MYO9B: variants seen among roughly 807,000 people sequenced by gnomAD.
The protein encoded by MYO9B is unconventional myosin-IXb.
MYO9B carries 71 observed loss-of-function variants against 229.5 expected under a neutral mutation model. The observed-to-expected ratio is 0.31, with a 90% CI of 0.26 to 0.38. MYO9B has a LOEUF of 0.38. Among genes scored for constraint, MYO9B ranks in the 10% least tolerant of loss-of-function variants. The pLI is 1.00. For missense variants in MYO9B, 2,255 were observed against 2,920.5 expected, an observed-to-expected ratio of 0.77 and a Z score of 5.25; for synonymous variants, 1,185 against 1,235.8, an observed-to-expected ratio of 0.96 and a Z score of 0.86.
intron 2 of MYO9B, among the ~76,000 whole-genome samples, chr19:17,143,446 A>G (rs1207179092): frequency 6.6e-6 from 1 of 152,176 alleles, no homozygotes; most frequent in African/African-American, 2.4e-5. Context: ...GCTGAGGCCT[A>G]TAGAAGCTCC....
intron 37 of MYO9B, 102 bp downstream of exon 37, chr19:17,210,482 C>A: frequency 7.2e-7 from 1 of 1,392,104 alleles, no homozygotes; most frequent in South Asian, 1.5e-5. Context: ...CAGAGCCTGT[C>A]CTAACCTTCC....
chr19:17,134,435 A>G (rs1236083428), intron 2 of MYO9B, among the ~76,000 whole-genome samples: 1 of 112,212 alleles, frequency 8.9e-6, no homozygotes, highest in Non-Finnish European at 1.6e-5. Context: ...TCTGTCACCC[A>G]GGCCAGAGTG....
At chr19:17,165,900 T>G (rs759152006) in intron 10 of MYO9B, among the ~76,000 whole-genome samples, 1 of 152,224 alleles carries the variant, frequency 6.6e-6, no homozygotes, top group Non-Finnish European at 1.5e-5. Context: ...AAAGCTTTAT[T>G]GGCACATAGC....
chr19:17,103,241 T>G (rs4808566), intron 2 of MYO9B: 21,770 of 151,972 alleles, frequency 0.14, 1,895 homozygotes, highest in Non-Finnish European at 0.2. Flanking sequence ...GTTTTCTGAT[T>G]GTTGTTATTA....
At chr19:17,126,535 G>T (rs2058021117) in intron 2 of MYO9B, among the ~76,000 whole-genome samples, 2 of 152,168 alleles carry the variant, frequency 1.3e-5, no homozygotes, top group Admixed American at 6.6e-5. Context: ...CTCTGCTATT[G>T]TAACTCAAAT....
At chr19:17,210,476 G>T in intron 37 of MYO9B, 96 bp downstream of exon 37, 1 of 1,417,284 alleles carries the variant, frequency 7.1e-7, no homozygotes. Context: ...GATAGACAGA[G>T]CCTGTCCTAA....
intron 2 of MYO9B, among the ~76,000 whole-genome samples, chr19:17,109,151 T>C (rs1244457003): frequency 6.6e-6 from 1 of 151,760 alleles, no homozygotes; most frequent in African/African-American, 2.4e-5. Context: ...CTGCAAGTTC[T>C]GCCTCCCGGG....
chr19:17,128,974 C>T (rs531618151), intron 2 of MYO9B, among the ~76,000 whole-genome samples: 5 of 152,198 alleles, frequency 3.3e-5, no homozygotes, highest in African/African-American at 1.2e-4. Context: ...TTGGCCATAC[C>T]GGTCACTCCT....
In MYO9B at chr19:17,167,917, T is replaced by A. The variant is rs748214464; in HGVS notation, c.1672-26T>A. ...ATTACATATCTGGGAGATAAGAAAC[T>A]TACCGACCCCGCGCCACCCCTGCAG... On this transcript the variant is annotated intron_variant, in intron 10 of 39. Coordinates refer to ENST00000682292, the MANE Select transcript of MYO9B (RefSeq NM_004145.4). The A allele has an allele frequency of 3.2e-6, 5 of 1,552,090 alleles. No homozygotes were observed. In the South Asian group the frequency reaches 5.9e-5, roughly 18 times the overall value.
chr19:17,145,288 G>T (rs2072395137), intron 2 of MYO9B, 109 bp from the exon 3 acceptor site: 1 of 1,050,400 alleles, frequency 9.5e-7, no homozygotes, highest in African/African-American at 1.6e-5. Context: ...AGAAAAAATA[G>T]ATAAATTGAA....
intron 23 of MYO9B, 118 bp downstream of exon 23, chr19:17,197,976 C>T (rs574169253): frequency 7.1e-6 from 10 of 1,408,736 alleles, no homozygotes; most frequent in Admixed American, 3.8e-5. Context: ...ATCGCTTGAA[C>T]GCAGTGGCAG....
intron 34 of MYO9B, 35 bp from the exon 35 acceptor site, chr19:17,207,078 C>A: frequency 1.2e-6 from 2 of 1,606,516 alleles, no homozygotes; most frequent in East Asian, 2.2e-5. Context: ...CCTCCCTCGG[C>A]CCTAGCCATC....
chr19:17,136,635 CA>C (rs36015718), intron 2 of MYO9B, among the ~76,000 whole-genome samples: 30,689 of 151,818 alleles, frequency 0.2, 3,634 homozygotes, highest in African/African-American at 0.33. Flanking sequence ...CGCTGTTCAA[CA>C]CCGTGTAGTG....
intron 15 of MYO9B, 39 bp downstream of exon 15, chr19:17,181,079 A>G: frequency 1.4e-6 from 2 of 1,422,010 alleles, no homozygotes; most frequent in Non-Finnish European, 2.0e-6. Flanking sequence ...AAGTGCGACA[A>G]CCGCCTCCCA....
intron 18 of MYO9B, 68 bp from the exon 19 acceptor site, chr19:17,187,867 C>A: frequency 7.4e-7 from 1 of 1,348,516 alleles, no homozygotes; most frequent in Non-Finnish European, 1.0e-6. Flanking sequence ...CAGGCCTGAG[C>A]CAGCAACAGA....
At chr19:17,135,267 G>T (rs1001108099) in intron 2 of MYO9B, among the ~76,000 whole-genome samples, 5 of 151,234 alleles carry the variant, frequency 3.3e-5, no homozygotes, top group Non-Finnish European at 5.9e-5. Context: ...TATTATAAAA[G>T]AAAAAAAAAT....
rs536948164 is a variant in MYO9B, at chr19:17,095,237, GAAA to G, written c.-58-6416_-58-6414del. 9.7e-3 allele frequency among the ~76,000 whole-genome samples: 1,470 copies of G among 151,240 alleles called. 35 individuals carry two copies. Among genetic ancestry groups the G allele is most frequent in the African/African-American group, 0.033 (1,372 of 41,282 alleles). The stretch of plus-strand genomic sequence containing the variant: ...GAGTGCAAGACTGTGTCTCAAAAAA[GAAA>G]AAAAAATTAAGTGTGCTAGTCAGTG... On this transcript the variant is annotated intron_variant, in intron 1 of 39. Coordinates refer to ENST00000682292, the MANE Select transcript of MYO9B (RefSeq NM_004145.4).
At chr19:17,111,997 A>G (rs956618448) in intron 2 of MYO9B, among the ~76,000 whole-genome samples, 11 of 152,172 alleles carry the variant, frequency 7.2e-5, no homozygotes, top group Non-Finnish European at 1.0e-4. Context: ...ATTCCACGGT[A>G]TGGATGGAGG....
intron 16 of MYO9B, chr19:17,184,554 G>C: frequency 3.2e-6 from 1 of 311,412 alleles, no homozygotes; most frequent in Non-Finnish European, 6.2e-6. Flanking sequence ...ATGCAGAGGA[G>C]AGGGACGGCC....
Sources: allele counts gnomAD v4.1 joint callset (sites outside exome capture counted in the v4.1 genomes callset), GRCh38; gene constraint gnomAD v4.1.1; transcripts MANE v1.5; gene names NCBI Gene and HGNC (gene_info 2026-07-23, HGNC 2026-07-21).